Variants in CDH23 observed in about 807,000 individuals in gnomAD.
The protein encoded by CDH23 is cadherin-23.
Under a neutral mutation model 317.1 loss-of-function variants are expected in CDH23, and 189 were observed. The ratio of observed to expected loss-of-function variants is 0.60; its 90% CI spans 0.53 to 0.67. CDH23 has a LOEUF of 0.67. CDH23 is among the 30% of genes least tolerant of loss of function. The pLI, the probability that CDH23 is intolerant of heterozygous loss-of-function variation, is 0.00. For missense variants in CDH23, 4,401 were observed against 4,592.4 expected (o/e 0.96, Z 1.20); for synonymous variants, 1,839 against 1,876.8 (o/e 0.98, Z 0.52).
At chr10:71,591,212 C>T (rs552652145) in intron 9 of CDH23, among the ~76,000 whole-genome samples, 67 of 152,286 alleles carry the variant, frequency 4.4e-4, no homozygotes, top group African/African-American at 1.5e-3. Context: ...AGGATAACAG[C>T]TTCACCCGAA....
At chr10:71,589,573 A>T (rs1859326731) in intron 9 of CDH23, among the ~76,000 whole-genome samples, 1 of 152,154 alleles carries the variant, frequency 6.6e-6, no homozygotes, top group African/African-American at 2.4e-5. Flanking sequence ...ATAATTCATC[A>T]TGGGTGCCTG....
Position 71,732,002 on chromosome 10 carries a change from T to C in CDH23, c.3731T>C (p.Val1244Ala). 6.2e-7 allele frequency: 1 copy of C among 1,613,630 alleles called. No homozygotes were observed. Reference protein sequence around the residue: ...TDRDSGDGGLVNYRILSGAEG... With the variant: ...TDRDSGDGGLANYRILSGAEG... ...CCTCCTACAGGGGATGGTGGCCTGG[T>C]GAACTACCGCATCCTGTCGGGCGCA... Residue 1244 changes from valine to alanine, a missense_variant, in exon 32 of 70, where the codon GTG becomes GCG. Coordinates refer to ENST00000224721, the MANE Select transcript of CDH23 (RefSeq NM_022124.6).
intron 7 of CDH23, among the ~76,000 whole-genome samples, chr10:71,567,179 T>C (rs1021781908): frequency 1.3e-5 from 2 of 152,200 alleles, no homozygotes; most frequent in African/African-American, 4.8e-5. Flanking sequence ...GTCATAAGTA[T>C]TGTTAAGATG....
Position 71,751,656 on chromosome 10 carries a change from G to C in CDH23, c.4845+9735G>C. 1 of 1,521,540 alleles carries C rather than the reference G, an allele frequency of 6.6e-7. No homozygotes were observed. Among genetic ancestry groups the C allele is most frequent in the Non-Finnish European group, 8.8e-7 (1 of 1,135,554 alleles). 94.3% of individuals were successfully genotyped at this position (1,521,540 alleles called of 1,614,324 possible). ...ACAGGTCATCGTGCTGTGAAGGTCA[G>C]GAAACACTTACCCAGGGATGGGAAG... is the stretch of plus-strand genomic sequence containing the variant. On this transcript the variant is annotated intron_variant, in intron 38 of 69. Coordinates refer to ENST00000224721, the MANE Select transcript of CDH23 (RefSeq NM_022124.6). This position sits in a 1 kb window ranked among gnomAD's most constrained non-coding sequence, Gnocchi z 4.9.
At chr10:71,804,316 G>A (rs1589432383) in intron 55 of CDH23, among the ~76,000 whole-genome samples, 1 of 152,120 alleles carries the variant, frequency 6.6e-6, no homozygotes, top group Non-Finnish European at 1.5e-5. Flanking sequence ...GCAAGGTTCT[G>A]GAATCTCTCC....
intron 1 of CDH23, among the ~76,000 whole-genome samples, chr10:71,426,158 A>C (rs1008520564): frequency 5.9e-5 from 9 of 152,150 alleles, no homozygotes; most frequent in African/African-American, 2.2e-4. Flanking sequence ...CCTTGGCCTC[A>C]CCCATAGTTC....
intron 31 of CDH23, 83 bp from the exon 32 acceptor site, chr10:71,731,904 T>G (rs1589382301): frequency 1.4e-6 from 2 of 1,447,030 alleles, no homozygotes; most frequent in Non-Finnish European, 9.4e-7. Flanking sequence ...ACCCAGGGGG[T>G]ATGGGTGTGG....
At chr10:71,737,625 G>T (rs556446568) in intron 34 of CDH23, 118 of 460,538 alleles carry the variant, frequency 2.6e-4, no homozygotes, top group Non-Finnish European at 4.6e-4. Flanking sequence ...AGAGAATGGG[G>T]TCTGGCCTGG....
chr10:71,471,614 C>A (rs1206997377), intron 3 of CDH23, among the ~76,000 whole-genome samples: 1 of 152,164 alleles, frequency 6.6e-6, no homozygotes, highest in Non-Finnish European at 1.5e-5. Flanking sequence ...GGAAGCTGCA[C>A]CAGGAGGGCC....
intron 38 of CDH23, chr10:71,752,123 C>T (rs1052372068): frequency 4.4e-5 from 28 of 630,588 alleles, no homozygotes; most frequent in Non-Finnish European, 7.8e-5. Context: ...CCATCAACCC[C>T]GGGCACAGCC....
At chr10:71,672,474 C>A (rs1236702004) in intron 14 of CDH23, among the ~76,000 whole-genome samples, 1 of 152,170 alleles carries the variant, frequency 6.6e-6, no homozygotes, top group African/African-American at 2.4e-5. Context: ...GCTTCCTACA[C>A]TTGAAAAATG....
intron 14 of CDH23, among the ~76,000 whole-genome samples, chr10:71,672,730 C>T (rs915548837): frequency 7.2e-5 from 11 of 152,310 alleles, no homozygotes; most frequent in African/African-American, 2.6e-4. Context: ...CCAGTCCTGT[C>T]TCCTGGCACT....
intron 11 of CDH23, among the ~76,000 whole-genome samples, chr10:71,617,888 A>G (rs1861276526): frequency 6.6e-6 from 1 of 151,990 alleles, no homozygotes; most frequent in Non-Finnish European, 1.5e-5. Context: ...GCTACGTGAG[A>G]GGCTGAGGCA....
chr10:71,646,794 C>A, intron 14 of CDH23, 177 bp downstream of exon 14: 1 of 1,550,256 alleles, frequency 6.5e-7, no homozygotes, highest in South Asian at 1.2e-5. Context: ...GAAGGGGCTC[C>A]CTTGACCTAG....
At chr10:71,464,765 G>A (rs1444248009) in intron 3 of CDH23, among the ~76,000 whole-genome samples, 1 of 152,192 alleles carries the variant, frequency 6.6e-6, no homozygotes, top group Non-Finnish European at 1.5e-5. Flanking sequence ...TCTTACTGGT[G>A]GAAGCTAGAT....
intron 6 of CDH23, among the ~76,000 whole-genome samples, chr10:71,554,731 T>A (rs1276179977): frequency 8.7e-6 from 1 of 115,128 alleles, no homozygotes; most frequent in Admixed American, 9.2e-5. Flanking sequence ...TGTGAGAATT[T>A]TTTTTTTTTT....
At chr10:71,454,829 AT>A (rs1219724857) in intron 3 of CDH23, among the ~76,000 whole-genome samples, 1 of 144,684 alleles carries the variant, frequency 6.9e-6, no homozygotes, top group Non-Finnish European at 1.5e-5. Flanking sequence ...TACATACTAT[AT>A]TTTTTTTACA....
chr10:71,518,098 T>C (rs2132223135), intron 6 of CDH23, among the ~76,000 whole-genome samples: 1 of 152,310 alleles, frequency 6.6e-6, no homozygotes, highest in African/African-American at 2.4e-5. Context: ...TGTTCTTATT[T>C]AAATAATATC....
chr10:71,551,689 C>T (rs541556441), intron 6 of CDH23, among the ~76,000 whole-genome samples: 1 of 152,268 alleles, frequency 6.6e-6, no homozygotes, highest in African/African-American at 2.4e-5. Context: ...TTCTCATGGT[C>T]TTTGTGTGAC....
Sources: allele counts gnomAD v4.1 joint callset (sites outside exome capture counted in the v4.1 genomes callset), GRCh38; gene constraint gnomAD v4.1.1; non-coding constraint Gnocchi (gnomAD v3.1); transcripts MANE v1.5; gene names NCBI Gene and HGNC (gene_info 2026-07-23, HGNC 2026-07-21).